THOC5: variants seen among roughly 807,000 people sequenced by gnomAD.
THOC5 encodes the protein Fms-interacting protein.
Under a neutral mutation model 92.9 loss-of-function variants are expected in THOC5, and 43 were observed. That is an observed-to-expected ratio of 0.46 (90% CI 0.36 to 0.60). The LOEUF is 0.60. Ranked by LOEUF, THOC5 falls within the 20% of genes least tolerant of loss-of-function variation. The probability of loss-of-function intolerance (pLI) is 0.00; values close to 1 mark genes in which losing one functional copy is unlikely to be tolerated. For synonymous variants in THOC5, 296 were observed against 320.1 expected, an observed-to-expected ratio of 0.92 and a Z score of 0.80; for missense variants, 659 against 849.4, an observed-to-expected ratio of 0.78 and a Z score of 2.79.
intron 5 of THOC5, among the ~76,000 whole-genome samples, chr22:29,540,128 T>C (rs1432959435): frequency 6.6e-6 from 1 of 152,100 alleles, no homozygotes; most frequent in Non-Finnish European, 1.5e-5. Flanking sequence ...AAAAATTAGC[T>C]GGGCGTGGTG....
intron 4 of THOC5, 74 bp downstream of exon 4, chr22:29,543,355 A>C: frequency 1.0e-6 from 1 of 988,764 alleles, no homozygotes; most frequent in Non-Finnish European, 1.4e-6. Context: ...CTCAAAAAAA[A>C]AAAAAAAAAA....
In THOC5 at chr22:29,507,871, A is replaced by AG. The variant is rs1422026089; in HGVS notation, c.*585dup. 1.3e-5 allele frequency: 2 copies of AG among 153,486 alleles called. No individual in the cohort carries two copies. The highest frequency in any genetic ancestry group is 2.4e-5 in the African/African-American group (1 of 41,462). The allele number at this position is 153,486 out of a possible 1,614,324, so 9.5% of individuals were successfully genotyped here. A position where few individuals can be genotyped will look rare whatever the true frequency, so the allele number is the denominator to read the frequency against. On this transcript the variant is annotated 3_prime_UTR_variant, in exon 20 of 20. Transcript: ENST00000490103. The stretch of plus-strand genomic sequence containing the variant: ...CACGGATTTTTCAACTGTGCAGGGC[A>AG]GGGGGTGTTGGTGCCCCTAACCCCT...
intron 5 of THOC5, among the ~76,000 whole-genome samples, chr22:29,541,706 G>A (rs1423561380): frequency 6.8e-6 from 1 of 147,714 alleles, no homozygotes; most frequent in Non-Finnish European, 1.5e-5. Context: ...CTAAAAACAC[G>A]AAATATTAGC....
intron 17 of THOC5, among the ~76,000 whole-genome samples, chr22:29,514,382 T>C (rs1311389989): frequency 1.3e-5 from 2 of 149,210 alleles, no homozygotes; most frequent in Non-Finnish European, 3.0e-5. Flanking sequence ...AGTGGCGCCA[T>C]CTCAGCTCAC....
chr22:29,526,014 G>C (rs779028747), intron 11 of THOC5, 68 bp from the exon 12 acceptor site: 3 of 877,192 alleles, frequency 3.4e-6, no homozygotes, highest in Non-Finnish European at 5.3e-6. Context: ...AGAGTCATAG[G>C]GGGTAGTAAG....
intron 12 of THOC5, 22 bp from the exon 13 acceptor site, chr22:29,521,121 G>A: frequency 1.3e-6 from 2 of 1,565,608 alleles, no homozygotes; most frequent in Non-Finnish European, 1.8e-6. Context: ...AAAACAGTAA[G>A]CAGTGAGAAT....
intron 7 of THOC5, among the ~76,000 whole-genome samples, chr22:29,533,781 C>T (rs1394482543): frequency 6.6e-6 from 1 of 152,122 alleles, no homozygotes; most frequent in Non-Finnish European, 1.5e-5. Context: ...AAAATTAAAA[C>T]TATAATGAGA....
In THOC5 at chr22:29,525,939, A is replaced by G; in HGVS notation, c.1074T>C (p.Ser358=). 1 of 1,610,326 alleles carries G rather than the reference A, an allele frequency of 6.2e-7. No homozygotes were observed. The highest frequency in any genetic ancestry group is 1.1e-5 in the South Asian group (1 of 91,016). ...GGTAGTAGAAAGTCAGGTGAAGCAC[A>G]CTGTCATCTGGAGGGGAGGAAGATG... ...VMLDLKCKDD[S]VLHLTFYYLM... Residue 358 remains serine (S), a synonymous_variant, in exon 12 of 20, where the codon AGT becomes AGC. Transcript: ENST00000490103.
intron 8 of THOC5, chr22:29,531,303 G>A (rs559832767): frequency 7.1e-6 from 7 of 985,396 alleles, no homozygotes; most frequent in South Asian, 4.7e-5. Flanking sequence ...GCTGCATTAG[G>A]GCAAAAGGCA....
At chr22:29,543,672 G>A in intron 3 of THOC5, 130 bp from the exon 4 acceptor site, 3 of 570,572 alleles carry the variant, frequency 5.3e-6, no homozygotes, top group African/African-American at 1.9e-5. Context: ...CCATGAGAAG[G>A]GTCATGAAGA....
chr22:29,512,519 C>G (rs1307792604), intron 17 of THOC5, among the ~76,000 whole-genome samples: 1 of 152,214 alleles, frequency 6.6e-6, no homozygotes, highest in East Asian at 1.9e-4. Context: ...TTCAACAATA[C>G]TGTGTATCAA....
intron 2 of THOC5, among the ~76,000 whole-genome samples, chr22:29,548,184 G>A (rs1009071020): frequency 2.0e-5 from 3 of 152,048 alleles, no homozygotes; most frequent in Admixed American, 1.3e-4. Flanking sequence ...GATTTGGGTG[G>A]GGACACGGCC....
At chr22:29,534,343 T>G (rs1475115975) in intron 7 of THOC5, among the ~76,000 whole-genome samples, 1 of 152,160 alleles carries the variant, frequency 6.6e-6, no homozygotes, top group Non-Finnish European at 1.5e-5. Context: ...TTCTCTGGGA[T>G]TTTGGGTGCT....
chr22:29,531,988 T>C lies in THOC5; in HGVS notation c.715-25A>G, dbSNP rs2063665332. 2.5e-6 allele frequency: 4 copies of C among 1,611,502 alleles called. No individual in the cohort carries two copies. The African/African-American group carries it at 5.3e-5, about 22-fold the overall frequency. ...CCTGCACACAAGAGACAGATTTTTG[T>C]TCTTCCTTTTTTAGCCAGTCCACAC... On this transcript the variant is annotated intron_variant, in intron 7 of 19. Transcript: ENST00000490103.
At position 29,540,845 on chromosome 22, in the gene THOC5, G is replaced by C. The variant is rs147191195; in HGVS notation, c.453-1369C>G. On this transcript the variant is annotated intron_variant, in intron 5 of 19. Transcript: ENST00000490103. Reference sequence around the variant, plus strand: ...ATATTATTAACTCAAGTACAGACCTGATGCAGATTTCACCTCTATTCATAT... The same window carrying C: ...ATATTATTAACTCAAGTACAGACCTCATGCAGATTTCACCTCTATTCATAT... 4.2e-3 allele frequency among the ~76,000 whole-genome samples: 641 copies of C among 152,278 alleles called. 12 individuals carry two copies. The Middle Eastern group carries it at 0.044, about 11-fold the overall frequency.
intron 12 of THOC5, among the ~76,000 whole-genome samples, chr22:29,523,435 C>G (rs118065491): frequency 1.3e-5 from 2 of 151,980 alleles, no homozygotes; most frequent in East Asian, 1.9e-4. Context: ...TGCCCTCTAC[C>G]CACCCCACCA....
At chr22:29,547,317 C>T (rs1447209594) in intron 2 of THOC5, among the ~76,000 whole-genome samples, 2 of 152,124 alleles carry the variant, frequency 1.3e-5, no homozygotes, top group African/African-American at 4.8e-5. Flanking sequence ...TCCTCATCTC[C>T]ATCTGAGACC....
At chr22:29,545,027 A>G in intron 2 of THOC5, 1 of 425,028 alleles carries the variant, frequency 2.4e-6, no homozygotes, top group South Asian at 1.7e-5. Flanking sequence ...ACACACCTGA[A>G]ACTGGGAACA....
At chr22:29,514,552 G>A (rs532159954) in intron 17 of THOC5, among the ~76,000 whole-genome samples, 9 of 151,448 alleles carry the variant, frequency 5.9e-5, no homozygotes, top group East Asian at 2.0e-4. Flanking sequence ...TCCTGACCTC[G>A]TGATCCGCCC....
Sources: allele counts gnomAD v4.1 joint callset (sites outside exome capture counted in the v4.1 genomes callset), GRCh38; gene constraint gnomAD v4.1.1; transcripts MANE v1.5; gene names NCBI Gene and HGNC (gene_info 2026-07-23, HGNC 2026-07-21).